The following RPRD2 variants were observed in gnomAD, a reference collection of about 807,000 sequenced individuals.
RPRD2 encodes regulation of nuclear pre-mRNA domain containing 2, also known as regulation of nuclear pre-mRNA domain-containing protein 2.
In RPRD2, 12 loss-of-function variants were observed where a neutral mutation model predicts 104.4. That is an observed-to-expected ratio of 0.11 (90% CI 0.07 to 0.19). The LOEUF (loss-of-function observed/expected upper bound fraction) is 0.19, where lower values mean the gene tolerates loss of function less well. RPRD2 is among the 10% of genes least tolerant of loss of function. The pLI, the probability that RPRD2 is intolerant of heterozygous loss-of-function variation, is 1.00. For missense variants in RPRD2, 1,543 were observed against 1,790.1 expected (o/e 0.86, Z 2.49); for synonymous variants, 714 against 684.9 (o/e 1.04, Z -0.66).
At chr1:150,382,918 TC>T (rs1553881074) in intron 1 of RPRD2, among the ~76,000 whole-genome samples, 6 of 152,096 alleles carry the variant, frequency 3.9e-5, no homozygotes. Flanking sequence ...ACTGCTGGGC[TC>T]AAGCAATCTG....
chr1:150,467,766 G>A (rs972306607), intron 10 of RPRD2, among the ~76,000 whole-genome samples: 2 of 152,150 alleles, frequency 1.3e-5, no homozygotes, highest in African/African-American at 4.8e-5. Context: ...ATTGTATCTA[G>A]CAAGTTAAAT....
rs587625202 is a variant in RPRD2 at position 150,427,329 on chromosome 1, T to C, written c.335+9604T>C. Among the ~76,000 whole-genome samples the C allele has an allele frequency of 4.6e-5, 7 of 152,048 alleles. No homozygotes were observed. The South Asian group carries it at 1.0e-3, about 23-fold the overall frequency. On this transcript the variant is annotated intron_variant, in intron 2 of 10. Transcript: ENST00000369068. ...CTCTACTAAAAATACAAAAAGTAGC[T>C]GAGCGTGGTAGCGCGTGCCTGTAGT...
chr1:150,374,733 AG>A (rs1338098087), intron 1 of RPRD2, among the ~76,000 whole-genome samples: 4 of 152,256 alleles, frequency 2.6e-5, no homozygotes, highest in South Asian at 2.1e-4. Context: ...AGCACTTTTA[AG>A]TTTGTTTATT....
intron 1 of RPRD2, among the ~76,000 whole-genome samples, chr1:150,380,456 T>G (rs185148821): frequency 6.6e-6 from 1 of 151,748 alleles, no homozygotes; most frequent in East Asian, 2.0e-4. Flanking sequence ...CAAGCAGTTC[T>G]CCTGTCTCAG....
At chr1:150,401,713 G>A (rs1259584813) in intron 1 of RPRD2, among the ~76,000 whole-genome samples, 1 of 149,980 alleles carries the variant, frequency 6.7e-6, no homozygotes, top group Non-Finnish European at 1.5e-5. Flanking sequence ...GCGCAATCTC[G>A]GCTCACTGCA....
At chr1:150,451,482 G>C (rs1667165247) in intron 7 of RPRD2, among the ~76,000 whole-genome samples, 1 of 151,722 alleles carries the variant, frequency 6.6e-6, no homozygotes, top group Non-Finnish European at 1.5e-5. Context: ...AGACCATCCT[G>C]GCTAACATCG....
intron 2 of RPRD2, among the ~76,000 whole-genome samples, chr1:150,432,560 A>T (rs906010867): frequency 1.3e-4 from 19 of 151,206 alleles, no homozygotes; most frequent in Admixed American, 1.1e-3. Flanking sequence ...ACTGCCACTG[A>T]ATTGTACATT....
At position 150,474,841 on chromosome 1, in the gene RPRD2, A is replaced by G. The variant is rs1366995925; in HGVS notation, c.*1507A>G. 2.0e-5 allele frequency: 3 copies of G among 152,174 alleles called. No homozygotes were observed. Among genetic ancestry groups the G allele is most frequent in the Non-Finnish European group, 2.9e-5 (2 of 68,032 alleles). 9.4% of individuals were successfully genotyped at this position (152,174 alleles called of 1,614,324 possible). ...AGTTAGTATAGAACTAACTATAGGAAGTATGGGGTTGCTTTTTCCTCCAGT... is the reference window on the plus strand; with the variant it reads ...AGTTAGTATAGAACTAACTATAGGAGGTATGGGGTTGCTTTTTCCTCCAGT... On this transcript the variant is annotated 3_prime_UTR_variant, in exon 11 of 11. Coordinates refer to ENST00000369068, the MANE Select transcript of RPRD2 (RefSeq NM_015203.5).
At position 150,476,135 on chromosome 1, in the gene RPRD2, G is replaced by C. The variant is rs1668880477; in HGVS notation, c.*2801G>C. On this transcript the variant is annotated 3_prime_UTR_variant, in exon 11 of 11. Transcript: ENST00000369068. ...TCCCCTCTACCCTCTCAAAAGTTGA[G>C]AGTAAATAGAATTTGGTTTGATTCC... 6.6e-6 allele frequency: 1 copy of C among 152,190 alleles called. No individual in the cohort carries two copies. The highest frequency in any genetic ancestry group is 1.5e-5 in the Non-Finnish European group (1 of 68,036). 9.4% of individuals were successfully genotyped at this position (152,190 alleles called of 1,614,324 possible). A position where few individuals can be genotyped will look rare whatever the true frequency, so the allele number is the denominator to read the frequency against.
In RPRD2 at chr1:150,472,501, A is replaced by G. The variant is rs1458833631; in HGVS notation, c.3553A>G (p.Ser1185Gly). ...GAGTGTCGGCAGCTTTCGTTCCAAC[A>G]GTTTCAACTCAACATTTGAGCATCA... ...QESVGSFRSNSFNSTFEHHLP... is the reference protein window; with the variant it reads ...QESVGSFRSNGFNSTFEHHLP... Residue 1185 changes from serine to glycine, a missense_variant, in exon 11 of 11, where the codon AGT becomes GGT. By Grantham distance (56) the Ser-to-Gly change is moderately conservative. Transcript: ENST00000369068. The G allele has an allele frequency of 6.2e-7, 1 of 1,613,974 alleles. No homozygotes were observed. Among genetic ancestry groups the G allele is most frequent in the South Asian group, 1.1e-5 (1 of 91,084 alleles).
chr1:150,395,605 G>A (rs1489767652), intron 1 of RPRD2, among the ~76,000 whole-genome samples: 1 of 148,446 alleles, frequency 6.7e-6, no homozygotes, highest in East Asian at 2.0e-4. Context: ...CACTGCCTCC[G>A]TGTTCAAGCA....
chr1:150,421,973 G>A (rs1277060101), intron 2 of RPRD2, among the ~76,000 whole-genome samples: 9 of 152,070 alleles, frequency 5.9e-5, no homozygotes, highest in African/African-American at 2.2e-4. Flanking sequence ...GACAGAGCAA[G>A]ACGCTATCTC....
At chr1:150,431,472 G>GGTTTTTTTTTTTTTTTTTTTTTTTT (rs1553891696) in intron 2 of RPRD2, among the ~76,000 whole-genome samples, 1 of 65,760 alleles carries the variant, frequency 1.5e-5, no homozygotes, top group African/African-American at 6.6e-5. Flanking sequence ...AAAAAGGAAG[G>GGTTTTTTTTTTTTTTTTTTTTTTTT]ATTTTTTTTT....
At chr1:150,470,335 G>C (rs1307106591) in intron 10 of RPRD2, among the ~76,000 whole-genome samples, 6 of 151,964 alleles carry the variant, frequency 3.9e-5, no homozygotes, top group Non-Finnish European at 8.8e-5. Context: ...GCTGATTTCT[G>C]GACTGTACTG....
rs1553899519 is a variant in RPRD2 at position 150,464,620 on chromosome 1, C to T, written c.1505C>T (p.Thr502Ile). 6.2e-7 allele frequency: 1 copy of T among 1,612,160 alleles called. No homozygotes were observed. Among genetic ancestry groups the T allele is most frequent in the South Asian group, 1.1e-5 (1 of 90,664 alleles). ...AAAACACCTGCACCTGCCACGACAA[C>T]ATCTCACAACCCTCTGGCAAATATC... ...GLKTPAPATTTSHNPLANILS... is the reference protein window; with the variant it reads ...GLKTPAPATTISHNPLANILS... Residue 502 changes from threonine (T) to isoleucine (I), a missense_variant, in exon 10 of 11, where the codon ACA (threonine) becomes ATA (isoleucine). Physicochemically the swap from Thr to Ile is moderately conservative, Grantham distance 89. Transcript: ENST00000369068.
Position 150,398,732 on chromosome 1 carries a change from C to T in RPRD2, c.206-18864C>T, listed in dbSNP as rs587707442. Reference sequence around the variant, plus strand: ...CTAATTTTTGTATTTTTGTAGCAACCGGGTTTCACCATGTCGGCCAGGCTG... The same window carrying T: ...CTAATTTTTGTATTTTTGTAGCAACTGGGTTTCACCATGTCGGCCAGGCTG... On this transcript the variant is annotated intron_variant, in intron 1 of 10. Transcript: ENST00000369068. Among the ~76,000 whole-genome samples, 113 of 151,440 alleles carry T rather than the reference C, an allele frequency of 7.5e-4. 3 individuals are homozygous for T. In the South Asian group the frequency reaches 0.022, roughly 29 times the overall value.
At chr1:150,420,153 A>G (rs1287708035) in intron 2 of RPRD2, among the ~76,000 whole-genome samples, 1 of 152,234 alleles carries the variant, frequency 6.6e-6, no homozygotes, top group Non-Finnish European at 1.5e-5. Context: ...AGTTTCTGCT[A>G]TAAATATCAC....
intron 1 of RPRD2, among the ~76,000 whole-genome samples, chr1:150,399,865 G>T (rs1553884987): frequency 6.6e-6 from 1 of 152,018 alleles, no homozygotes; most frequent in Non-Finnish European, 1.5e-5. Flanking sequence ...TCAAAACTAT[G>T]TTGTCTATTG....
chr1:150,453,781 A>G (rs1199772740), intron 7 of RPRD2, among the ~76,000 whole-genome samples: 1 of 152,130 alleles, frequency 6.6e-6, no homozygotes, highest in Non-Finnish European at 1.5e-5. Context: ...TTTTTATCGA[A>G]TGCTGAACAT....
Sources: allele counts gnomAD v4.1 joint callset (sites outside exome capture counted in the v4.1 genomes callset), GRCh38; gene constraint gnomAD v4.1.1; transcripts MANE v1.5; gene names NCBI Gene and HGNC (gene_info 2026-07-23, HGNC 2026-07-21).